The following F13A1 variants were observed in gnomAD, a reference collection of about 807,000 sequenced individuals.
The protein encoded by F13A1 is FSF, A subunit.
F13A1 carries 47 observed loss-of-function variants against 80.1 expected under a neutral mutation model. The observed-to-expected ratio is 0.59, with a 90% CI of 0.46 to 0.75. The LOEUF (loss-of-function observed/expected upper bound fraction) is 0.75. Ranked by LOEUF, F13A1 falls within the 30% of genes least tolerant of loss-of-function variation. F13A1 has a pLI of 0.00. For synonymous variants in F13A1, 349 were observed against 344.9 expected (o/e 1.01, Z -0.13); for missense variants, 817 against 930.4 (o/e 0.88, Z 1.59).
At chr6:6,160,987 T>C (rs543012411) in intron 13 of F13A1, among the ~76,000 whole-genome samples, 50 of 152,240 alleles carry the variant, frequency 3.3e-4, no homozygotes, top group African/African-American at 9.4e-4. Flanking sequence ...ATTAGTTCTA[T>C]TGGTGCTTCC....
At chr6:6,152,068 A>G in intron 13 of F13A1, 119 bp from the exon 14 acceptor site, 1 of 1,229,366 alleles carries the variant, frequency 8.1e-7, no homozygotes, top group Non-Finnish European at 1.2e-6. Flanking sequence ...TGGCAATGGA[A>G]CCAGTGTGAT....
Position 6,320,608 on chromosome 6 carries a change from G to T in F13A1, c.-40C>A, listed in dbSNP as rs1260979689. The T allele has an allele frequency of 2.1e-6, 1 of 470,222 alleles. No homozygotes were observed. The allele number at this position is 470,222 out of a possible 1,614,324, so 29.1% of individuals were successfully genotyped here. On this transcript the variant is annotated 5_prime_UTR_variant, in exon 1 of 15. Coordinates refer to ENST00000264870, the MANE Select transcript of F13A1 (RefSeq NM_000129.4). ...TTACCTGCAGGCGCTCCCCTCCAGA[G>T]GTGCCCTCGCGTGGGCTTGCTCTGT...
chr6:6,305,097 T>C, intron 3 of F13A1: 1 of 531,882 alleles, frequency 1.9e-6, no homozygotes, highest in Non-Finnish European at 3.4e-6. Flanking sequence ...GAAGAATAAT[T>C]TAGTTAAGCA....
chr6:6,221,000 G>T (rs1375992044), intron 8 of F13A1, among the ~76,000 whole-genome samples: 2 of 152,062 alleles, frequency 1.3e-5, no homozygotes, highest in African/African-American at 4.8e-5. Context: ...TTTTAGTTTT[G>T]CTTAAAATGA....
intron 2 of F13A1, among the ~76,000 whole-genome samples, chr6:6,311,585 TAC>T (rs1267345165): frequency 5.6e-4 from 14 of 24,892 alleles, no homozygotes; most frequent in East Asian, 2.8e-3. Context: ...TAAACAAACA[TAC>T]ATATATATCA....
At chr6:6,219,925 C>G (rs980582047) in intron 8 of F13A1, among the ~76,000 whole-genome samples, 8 of 152,172 alleles carry the variant, frequency 5.3e-5, no homozygotes, top group African/African-American at 1.9e-4. Context: ...TAGCAGCTAA[C>G]GTTCATTAGG....
At chr6:6,153,389 T>C (rs1561943863) in intron 13 of F13A1, among the ~76,000 whole-genome samples, 1 of 152,206 alleles carries the variant, frequency 6.6e-6, no homozygotes, top group Non-Finnish European at 1.5e-5. Context: ...AAAAATCACA[T>C]GTACCCCATA....
intron 3 of F13A1, among the ~76,000 whole-genome samples, chr6:6,302,095 T>G (rs1047509281): frequency 2.0e-5 from 3 of 152,208 alleles, no homozygotes; most frequent in Non-Finnish European, 4.4e-5. Context: ...TTCTAAGACT[T>G]CCATTATCAT....
intron 2 of F13A1, among the ~76,000 whole-genome samples, chr6:6,308,508 A>G (rs1758545394): frequency 1.3e-5 from 2 of 149,884 alleles, no homozygotes. Context: ...TAAACAGTCT[A>G]TTATTTCAAA....
intron 13 of F13A1, among the ~76,000 whole-genome samples, chr6:6,157,341 T>G (rs1266828051): frequency 6.6e-6 from 1 of 152,170 alleles, no homozygotes; most frequent in Non-Finnish European, 1.5e-5. Flanking sequence ...TGGCGGAAGT[T>G]GGATATAAAT....
At chr6:6,294,909 A>T (rs1758298241) in intron 3 of F13A1, among the ~76,000 whole-genome samples, 1 of 102,220 alleles carries the variant, frequency 9.8e-6, no homozygotes, top group Non-Finnish European at 1.9e-5. Context: ...CCCACCCCAC[A>T]ACAGGCCCCA....
intron 2 of F13A1, among the ~76,000 whole-genome samples, chr6:6,312,763 A>C (rs1207471038): frequency 6.6e-6 from 1 of 152,140 alleles, no homozygotes; most frequent in Non-Finnish European, 1.5e-5. Flanking sequence ...TTGGCTAAGA[A>C]GGGGAAGATT....
At chr6:6,272,650 A>G (rs572276033) in intron 3 of F13A1, among the ~76,000 whole-genome samples, 20 of 152,324 alleles carry the variant, frequency 1.3e-4, no homozygotes, top group Non-Finnish European at 2.8e-4. Flanking sequence ...AATCAACTGC[A>G]TCTGAAAACT....
chr6:6,261,300 T>A (rs1757777612), intron 4 of F13A1, among the ~76,000 whole-genome samples: 1 of 152,172 alleles, frequency 6.6e-6, no homozygotes, highest in Admixed American at 6.5e-5. Flanking sequence ...TTGCTTATTG[T>A]CTTTCTTTCT....
At chr6:6,240,471 CAG>C (rs1757470529) in intron 6 of F13A1, among the ~76,000 whole-genome samples, 1 of 152,188 alleles carries the variant, frequency 6.6e-6, no homozygotes, top group East Asian at 1.9e-4. Flanking sequence ...AGAGGACAGA[CAG>C]AGGACAAATC....
intron 3 of F13A1, among the ~76,000 whole-genome samples, chr6:6,274,994 G>A (rs1317509875): frequency 6.6e-6 from 1 of 152,204 alleles, no homozygotes. Context: ...GCAAAGGTAT[G>A]TAGAGTGTGT....
chr6:6,192,748 A>T (rs1469506089), intron 10 of F13A1, among the ~76,000 whole-genome samples: 2 of 152,146 alleles, frequency 1.3e-5, no homozygotes, highest in Non-Finnish European at 2.9e-5. Context: ...CCAGGGAGCC[A>T]GTTATTGCTC....
At chr6:6,294,426 A>G (rs1480705104) in intron 3 of F13A1, among the ~76,000 whole-genome samples, 4 of 152,086 alleles carry the variant, frequency 2.6e-5, no homozygotes, top group African/African-American at 9.7e-5. Flanking sequence ...ACTGGCTCTC[A>G]TTGCTCCTCA....
At chr6:6,195,244 G>A (rs969302102) in intron 10 of F13A1, among the ~76,000 whole-genome samples, 1 of 152,232 alleles carries the variant, frequency 6.6e-6, no homozygotes, top group Non-Finnish European at 1.5e-5. Flanking sequence ...TAGGTGGGCT[G>A]TATTCCTCTC....
Sources: allele counts gnomAD v4.1 joint callset (sites outside exome capture counted in the v4.1 genomes callset), GRCh38; gene constraint gnomAD v4.1.1; transcripts MANE v1.5; gene names NCBI Gene and HGNC (gene_info 2026-07-23, HGNC 2026-07-21).